The following OTUD3 variants were observed in gnomAD, a reference collection of about 807,000 sequenced individuals.
The protein encoded by OTUD3 is OTU domain-containing protein 3.
Under a neutral mutation model 46.2 loss-of-function variants are expected in OTUD3, and 24 were observed. That is an observed-to-expected ratio of 0.52 (90% CI 0.38 to 0.73). OTUD3 has a LOEUF of 0.73. Ranked by LOEUF, OTUD3 falls within the 30% of genes least tolerant of loss-of-function variation. The pLI is 0.00. For synonymous variants in OTUD3, 189 were observed against 195.4 expected (o/e 0.97, Z 0.27); for missense variants, 455 against 523.3 (o/e 0.87, Z 1.27).
chr1:19,893,745 C>G (rs1422535903), intron 2 of OTUD3, among the ~76,000 whole-genome samples: 1 of 152,206 alleles, frequency 6.6e-6, no homozygotes, highest in Non-Finnish European at 1.5e-5. Context: ...TCTCTTTGGG[C>G]AAGGCCAAAT....
chr1:19,907,561 C>G lies in OTUD3; in HGVS notation c.1021-9C>G. 6.2e-7 allele frequency: 1 copy of G among 1,613,722 alleles called. No individual in the cohort carries two copies. Among genetic ancestry groups the G allele is most frequent in the Non-Finnish European group, 8.5e-7 (1 of 1,179,788 alleles). Reference sequence around the variant, plus strand: ...GCTTCCTACTCACCACCATGGCCTTCTCTCTCAGGTCACAAACAAACAGAG... The same window carrying G: ...GCTTCCTACTCACCACCATGGCCTTGTCTCTCAGGTCACAAACAAACAGAG... On this transcript the variant is annotated splice_polypyrimidine_tract_variant and intron_variant, in intron 7 of 7. Coordinates refer to ENST00000375120, the MANE Select transcript of OTUD3 (RefSeq NM_015207.2).
chr1:19,904,100 A>G (rs1455906071), intron 4 of OTUD3, among the ~76,000 whole-genome samples, 167 bp from the exon 5 acceptor site: 1 of 152,180 alleles, frequency 6.6e-6, no homozygotes, highest in Non-Finnish European at 1.5e-5. Flanking sequence ...TCAAAGTACA[A>G]TGAGTGGATA....
rs1340603050 is a variant in OTUD3, at chr1:19,909,353, G to C, written c.*1607G>C. 1 of 152,196 alleles carries C rather than the reference G, an allele frequency of 6.6e-6. No homozygotes were observed. The highest frequency in any genetic ancestry group is 1.5e-5 in the Non-Finnish European group (1 of 68,032). 9.4% of individuals were successfully genotyped at this position (152,196 alleles called of 1,614,324 possible). ...ATTGCTCCTAGGACATTGTGGTTTA[G>C]GTTTCTTCCTGGGTACAGTACATTG... On this transcript the variant is annotated 3_prime_UTR_variant, in exon 8 of 8. Transcript: ENST00000375120.
At position 19,901,586 on chromosome 1, in the gene OTUD3, C is replaced by T. The variant is rs894101147; in HGVS notation, c.607-2681C>T. ...AGTCCAGTGGTACTCAGTACATCTG[C>T]AGTGTTTGTTGTACAACCACTTCTT... On this transcript the variant is annotated intron_variant, in intron 4 of 7. Transcript: ENST00000375120. Among the ~76,000 whole-genome samples the T allele has an allele frequency of 2.6e-5, 4 of 152,286 alleles. No homozygotes were observed. In the East Asian group the frequency reaches 5.8e-4, roughly 22 times the overall value.
rs201503378 is a variant in OTUD3, at chr1:19,892,671, AG to A, written c.371-1696del. Reference sequence around the variant, plus strand: ...TCATTACATGTTATCACTCTACCTCAGCAGTTTTTCTTTCACTGCTACTACC... The same window carrying A: ...TCATTACATGTTATCACTCTACCTCACAGTTTTTCTTTCACTGCTACTACC... On this transcript the variant is annotated intron_variant, in intron 2 of 7. Coordinates refer to ENST00000375120, the MANE Select transcript of OTUD3 (RefSeq NM_015207.2). Among the ~76,000 whole-genome samples, 789 of 152,178 alleles carry A rather than the reference AG, an allele frequency of 5.2e-3. 3 individuals carry two copies. The highest frequency in any genetic ancestry group is 8.0e-3 in the Non-Finnish European group (542 of 67,998).
chr1:19,884,986 C>G (rs2045336749), intron 1 of OTUD3, among the ~76,000 whole-genome samples: 1 of 152,166 alleles, frequency 6.6e-6, no homozygotes, highest in South Asian at 2.1e-4. Flanking sequence ...GGATACACTG[C>G]TAGATGCCTC....
At chr1:19,888,632 T>A (rs1396294783) in intron 1 of OTUD3, among the ~76,000 whole-genome samples, 5 of 152,202 alleles carry the variant, frequency 3.3e-5, no homozygotes, top group Non-Finnish European at 4.4e-5. Context: ...TGGACTTGGA[T>A]CCTGGGCCTA....
intron 7 of OTUD3, 107 bp downstream of exon 7, chr1:19,906,723 A>C: frequency 9.3e-7 from 1 of 1,072,246 alleles, no homozygotes; most frequent in Non-Finnish European, 1.3e-6. Flanking sequence ...GATTTATAAA[A>C]GTAGTGTGGA....
At chr1:19,898,404 A>C (rs1018156529) in intron 4 of OTUD3, among the ~76,000 whole-genome samples, 2 of 152,092 alleles carry the variant, frequency 1.3e-5, no homozygotes, top group Non-Finnish European at 2.9e-5. Flanking sequence ...TTGACATTTT[A>C]TTTATATAGC....
chr1:19,906,671 G>A, intron 7 of OTUD3, 55 bp downstream of exon 7: 1 of 1,406,710 alleles, frequency 7.1e-7, no homozygotes, highest in Non-Finnish European at 9.7e-7. Context: ...TTCTGTGGCA[G>A]TGGTGGTAGC....
intron 2 of OTUD3, among the ~76,000 whole-genome samples, chr1:19,891,782 C>T (rs2045450072): frequency 6.6e-6 from 1 of 152,148 alleles, no homozygotes; most frequent in Non-Finnish European, 1.5e-5. Context: ...CAGTAGGCAC[C>T]AGACACAGAG....
rs1021372726 is a variant in OTUD3, at chr1:19,908,574, A to G, written c.*828A>G. ...TGATAGTGTGTAGAGCAGGGTCTAT[A>G]GTTGTAACAGGAGACGAACTCCTGG... On this transcript the variant is annotated 3_prime_UTR_variant, in exon 8 of 8. Transcript: ENST00000375120. 1.3e-5 allele frequency: 2 copies of G among 152,158 alleles called. No homozygotes were observed. Among genetic ancestry groups the G allele is most frequent in the African/African-American group, 2.4e-5 (1 of 41,378 alleles). The allele number at this position is 152,158 out of a possible 1,614,324, so 9.4% of individuals were successfully genotyped here. A position where few individuals can be genotyped will look rare whatever the true frequency, so the allele number is the denominator to read the frequency against.
Position 19,907,867 on chromosome 1 carries a change from C to T in OTUD3, c.*121C>T, listed in dbSNP as rs2045685043. The stretch of plus-strand genomic sequence containing the variant: ...AACCAACGAAGCCCACACATGAGCT[C>T]ACACACTGAGTTAGTTTCGTTCAAG... On this transcript the variant is annotated 3_prime_UTR_variant, in exon 8 of 8. Transcript: ENST00000375120. 4 of 825,316 alleles carry T rather than the reference C, an allele frequency of 4.8e-6. No homozygotes were observed. Among genetic ancestry groups the T allele is most frequent in the Non-Finnish European group, 7.5e-6 (4 of 536,614 alleles). The allele number at this position is 825,316 out of a possible 1,614,324, so 51.1% of individuals were successfully genotyped here. A position where few individuals can be genotyped will look rare whatever the true frequency, so the allele number is the denominator to read the frequency against.
At chr1:19,898,746 T>G (rs1345120500) in intron 4 of OTUD3, among the ~76,000 whole-genome samples, 1 of 151,810 alleles carries the variant, frequency 6.6e-6, no homozygotes, top group Admixed American at 6.6e-5. Context: ...AAAAAAAAAT[T>G]AGCATTATTG....
chr1:19,888,148 T>C (rs756665413), intron 1 of OTUD3, among the ~76,000 whole-genome samples: 2 of 152,224 alleles, frequency 1.3e-5, no homozygotes, highest in African/African-American at 2.4e-5. Flanking sequence ...GGTAGTGATG[T>C]GCTACTGACA....
At chr1:19,892,529 C>A (rs998979832) in intron 2 of OTUD3, among the ~76,000 whole-genome samples, 2 of 152,136 alleles carry the variant, frequency 1.3e-5, no homozygotes, top group Non-Finnish European at 2.9e-5. Context: ...TAGGATTATT[C>A]TTTTCTTTTA....
At chr1:19,891,600 A>C (rs1557675865) in intron 2 of OTUD3, among the ~76,000 whole-genome samples, 1 of 152,128 alleles carries the variant, frequency 6.6e-6, no homozygotes, top group East Asian at 1.9e-4. Context: ...GACACATTGG[A>C]GGTGAGGAGG....
chr1:19,897,744 A>C, intron 4 of OTUD3, 82 bp downstream of exon 4: 1 of 1,367,568 alleles, frequency 7.3e-7, no homozygotes, highest in Non-Finnish European at 9.8e-7. Flanking sequence ...GCTAAAAACC[A>C]GTAATGTTTT....
intron 1 of OTUD3, 131 bp from the exon 2 acceptor site, chr1:19,890,254 A>G (rs1479009919): frequency 2.4e-6 from 2 of 831,448 alleles, no homozygotes; most frequent in Non-Finnish European, 3.9e-6. Flanking sequence ...AGAATCCTGG[A>G]CTATTAGAGT....
Sources: allele counts gnomAD v4.1 joint callset (sites outside exome capture counted in the v4.1 genomes callset), GRCh38; gene constraint gnomAD v4.1.1; transcripts MANE v1.5; gene names NCBI Gene and HGNC (gene_info 2026-07-23, HGNC 2026-07-21).